The following PTPRG variants were observed in gnomAD, a reference collection of about 807,000 sequenced individuals.
The protein encoded by PTPRG is receptor-type tyrosine-protein phosphatase gamma.
Under a neutral mutation model 165.3 loss-of-function variants are expected in PTPRG, and 102 were observed. The ratio of observed to expected loss-of-function variants is 0.62; its 90% CI spans 0.53 to 0.73. The LOEUF is 0.73. Ranked by LOEUF, PTPRG falls within the 30% of genes least tolerant of loss-of-function variation. PTPRG has a pLI of 0.00. For synonymous variants in PTPRG, 675 were observed against 669.5 expected (o/e 1.01, Z -0.13); for missense variants, 1,866 against 1,861.4 (o/e 1.00, Z -0.05).
intron 1 of PTPRG, among the ~76,000 whole-genome samples, chr3:61,584,574 T>G (rs370300257): frequency 3.8e-5 from 1 of 26,260 alleles, no homozygotes. Flanking sequence ...AAAGTTTAGG[T>G]TTTTTTTTTT....
intron 6 of PTPRG, among the ~76,000 whole-genome samples, chr3:62,149,862 TC>T (rs550430006): frequency 6.6e-6 from 1 of 152,050 alleles, no homozygotes; most frequent in African/African-American, 2.4e-5. Context: ...GCTGATTTTT[TC>T]CCCCCCTCAA....
At position 61,748,833 on chromosome 3, in the gene PTPRG, G is replaced by A. The variant is rs780733806; in HGVS notation, c.86-45G>A. Reference sequence around the variant, plus strand: ...TCATTTGACACCCTTCCTGTATCCAGTGGGGTGCTGCCTTTGTCTCATTGT... The same window carrying A: ...TCATTTGACACCCTTCCTGTATCCAATGGGGTGCTGCCTTTGTCTCATTGT... On this transcript the variant is annotated intron_variant, in intron 1 of 29. Coordinates refer to ENST00000474889, the MANE Select transcript of PTPRG (RefSeq NM_002841.4). 2.0e-6 allele frequency: 3 copies of A among 1,511,170 alleles called. No individual in the cohort carries two copies. The South Asian group carries it at 3.4e-5, about 17-fold the overall frequency. 93.6% of individuals were successfully genotyped at this position (1,511,170 alleles called of 1,614,324 possible).
intron 2 of PTPRG, among the ~76,000 whole-genome samples, chr3:61,837,114 T>C (rs777548224): frequency 2.8e-4 from 43 of 152,204 alleles, no homozygotes; most frequent in Non-Finnish European, 5.6e-4. Flanking sequence ...GGTTTTATCA[T>C]ATTGGCCACT....
At chr3:62,204,129 C>T (rs1294370826) in intron 12 of PTPRG, among the ~76,000 whole-genome samples, 179 bp downstream of exon 12, 3 of 152,178 alleles carry the variant, frequency 2.0e-5, no homozygotes, top group Admixed American at 2.0e-4. Flanking sequence ...CCCTGTTTTA[C>T]TCCAAAAGCC....
intron 4 of PTPRG, among the ~76,000 whole-genome samples, chr3:62,066,077 A>G (rs1325027809): frequency 6.6e-6 from 1 of 152,168 alleles, no homozygotes; most frequent in African/African-American, 2.4e-5. Flanking sequence ...CTTTGTGACA[A>G]GCTTTCTTGG....
rs1209997670 is a variant in PTPRG, at chr3:61,837,551, C to A, written c.190+88569C>A. Among the ~76,000 whole-genome samples, 4 of 152,154 alleles carry A rather than the reference C, an allele frequency of 2.6e-5. No homozygotes were observed. In the East Asian group the frequency reaches 7.7e-4, roughly 29 times the overall value. On this transcript the variant is annotated intron_variant, in intron 2 of 29. Transcript: ENST00000474889. ...CGGAGGTGCAGCCTGAATAGTACGT[C>A]ATAGACAAGAGCGGATCAGCAGCAT...
intron 2 of PTPRG, among the ~76,000 whole-genome samples, chr3:61,946,987 A>G (rs559655338): frequency 3.3e-5 from 5 of 152,134 alleles, no homozygotes; most frequent in Admixed American, 3.3e-4. Flanking sequence ...TTCTTGGGGG[A>G]TGTATGTTTG....
At chr3:61,585,245 C>T (rs1004569648) in intron 1 of PTPRG, among the ~76,000 whole-genome samples, 3 of 143,518 alleles carry the variant, frequency 2.1e-5, no homozygotes, top group Non-Finnish European at 4.5e-5. Context: ...TGCGCCACTG[C>T]ACTCCAGCCT....
intron 2 of PTPRG, among the ~76,000 whole-genome samples, chr3:61,767,069 C>A (rs1238292330): frequency 6.6e-6 from 1 of 151,330 alleles, no homozygotes. Flanking sequence ...CATGGTGAAA[C>A]CCCATCTCTA....
Position 62,245,566 on chromosome 3 carries a change from T to A in PTPRG, c.2467+1668T>A, listed in dbSNP as rs1450452295. On this transcript the variant is annotated intron_variant, in intron 15 of 29. Coordinates refer to ENST00000474889, the MANE Select transcript of PTPRG (RefSeq NM_002841.4). The surrounding 1 kb of genome is among the most constrained non-coding windows in gnomAD (Gnocchi z 4.2). ...TGGATTAGGAATCAGAAAACCTAGGTCCACCCTGAAATCTTTGTTCAGTGC... is the reference window on the plus strand; with the variant it reads ...TGGATTAGGAATCAGAAAACCTAGGACCACCCTGAAATCTTTGTTCAGTGC... 6.6e-6 allele frequency among the ~76,000 whole-genome samples: 1 copy of A among 152,124 alleles called. No individual in the cohort carries two copies. Among genetic ancestry groups the A allele is most frequent in the Non-Finnish European group, 1.5e-5 (1 of 68,016 alleles).
rs534359614 is a variant in PTPRG at position 61,921,721 on chromosome 3, T to A, written c.191-67904T>A. ...ATTTCTAAGATATCTCATTATTTAT[T>A]TGAAAATATTCCAAAATTTGAAAAA... On this transcript the variant is annotated intron_variant, in intron 2 of 29. Coordinates refer to ENST00000474889, the MANE Select transcript of PTPRG (RefSeq NM_002841.4). 5.9e-5 allele frequency among the ~76,000 whole-genome samples: 9 copies of A among 152,344 alleles called. No individual in the cohort carries two copies. The East Asian group carries it at 1.7e-3, about 29-fold the overall frequency.
chr3:62,089,196 A>T (rs1701850143), intron 5 of PTPRG, among the ~76,000 whole-genome samples: 1 of 152,218 alleles, frequency 6.6e-6, no homozygotes, highest in African/African-American at 2.4e-5. Context: ...CACATTCCCA[A>T]AGCAGATATC....
chr3:61,647,573 G>A (rs1282246831), intron 1 of PTPRG, among the ~76,000 whole-genome samples: 1 of 151,994 alleles, frequency 6.6e-6, no homozygotes, highest in Non-Finnish European at 1.5e-5. Context: ...GGCGGATCAC[G>A]AAGTCAGGAG....
At chr3:61,706,210 A>G (rs533907032) in intron 1 of PTPRG, among the ~76,000 whole-genome samples, 110 of 146,846 alleles carry the variant, frequency 7.5e-4, no homozygotes, top group South Asian at 2.4e-3. Flanking sequence ...CCTGGGGGGG[A>G]AAAAAAAAAG....
At chr3:61,774,753 T>G (rs1364830301) in intron 2 of PTPRG, among the ~76,000 whole-genome samples, 2 of 152,170 alleles carry the variant, frequency 1.3e-5, no homozygotes, top group African/African-American at 2.4e-5. Context: ...CCTACCGGTG[T>G]CTCTGCTTCA....
At chr3:62,267,557 A>G in intron 18 of PTPRG, 65 bp downstream of exon 18, 1 of 1,531,198 alleles carries the variant, frequency 6.5e-7, no homozygotes. Context: ...AAACTGTTTA[A>G]TATATTTTAA....
At chr3:61,764,576 G>T (rs1272674505) in intron 2 of PTPRG, among the ~76,000 whole-genome samples, 1 of 152,184 alleles carries the variant, frequency 6.6e-6, no homozygotes, top group African/African-American at 2.4e-5. Flanking sequence ...AGCCTGGGAA[G>T]ACCTCTCTGA....
chr3:61,859,760 C>T (rs1214497380), intron 2 of PTPRG, among the ~76,000 whole-genome samples: 3 of 152,020 alleles, frequency 2.0e-5, no homozygotes, highest in Non-Finnish European at 4.4e-5. Context: ...TCAAAATTAC[C>T]TTTCTGTTGG....
intron 7 of PTPRG, among the ~76,000 whole-genome samples, chr3:62,165,400 T>G (rs1476557708): frequency 6.6e-6 from 1 of 152,200 alleles, no homozygotes; most frequent in Non-Finnish European, 1.5e-5. Flanking sequence ...GTTCATATCA[T>G]GAGGTGGAGG....
Sources: gnomAD v4.1 joint callset for allele counts (sites outside exome capture counted in the v4.1 genomes callset) on GRCh38, gnomAD v4.1.1 for gene constraint, Gnocchi (gnomAD v3.1) non-coding constraint, MANE v1.5 for transcripts, NCBI Gene and HGNC (gene_info 2026-07-23, HGNC 2026-07-21) for gene names.